Variants in TTC28 observed in about 807,000 individuals in gnomAD.
TTC28 encodes the protein tetratricopeptide repeat domain 28.
A neutral mutation model predicts 198.0 loss-of-function variants in TTC28; 61 were observed. That is an observed-to-expected ratio of 0.31 (90% CI 0.25 to 0.38). The LOEUF (loss-of-function observed/expected upper bound fraction) is 0.38, where lower values mean the gene tolerates loss of function less well. Ranked by LOEUF, TTC28 falls within the 10% of genes least tolerant of loss-of-function variation. The pLI is 1.00. For missense variants in TTC28, 2,678 were observed against 3,164.0 expected (o/e 0.85, Z 3.69); for synonymous variants, 1,171 against 1,297.8 (o/e 0.90, Z 2.10).
rs182682194 is a variant in TTC28, at chr22:28,638,586, A to G, written c.103-8756T>C. On this transcript the variant is annotated intron_variant, in intron 1 of 22. Transcript: ENST00000397906. ...TCTTAGTATGGATAAAGCTCCTACA[A>G]ATCAGTAATAAAATGCACAAACAAT... Among the ~76,000 whole-genome samples the G allele has an allele frequency of 7.2e-5, 11 of 152,294 alleles. No individual in the cohort carries two copies. In the East Asian group the frequency reaches 2.1e-3, roughly 29 times the overall value.
intron 12 of TTC28, among the ~76,000 whole-genome samples, chr22:28,044,999 T>C (rs1484914897): frequency 6.6e-6 from 1 of 152,208 alleles, no homozygotes; most frequent in Non-Finnish European, 1.5e-5. Flanking sequence ...GAATACACAA[T>C]GACTGTAATC....
intron 2 of TTC28, among the ~76,000 whole-genome samples, chr22:28,627,137 T>C (rs2051088688): frequency 6.6e-6 from 1 of 152,124 alleles, no homozygotes; most frequent in Non-Finnish European, 1.5e-5. Context: ...GGCAGATATA[T>C]ATGCAAAACC....
intron 2 of TTC28, among the ~76,000 whole-genome samples, chr22:28,374,595 C>T (rs2046382051): frequency 6.6e-6 from 1 of 152,164 alleles, no homozygotes; most frequent in Admixed American, 6.5e-5. Flanking sequence ...GAGTTCATTG[C>T]TTCTCTTCTC....
chr22:28,010,727 G>A (rs1307339507), intron 14 of TTC28, among the ~76,000 whole-genome samples: 4 of 152,114 alleles, frequency 2.6e-5, no homozygotes, highest in Admixed American at 1.3e-4. Context: ...AAAGCTCCTC[G>A]GGAACAGGCC....
intron 6 of TTC28, among the ~76,000 whole-genome samples, chr22:28,159,689 T>C (rs1305897351): frequency 6.6e-6 from 1 of 150,710 alleles, no homozygotes; most frequent in Non-Finnish European, 1.5e-5. Flanking sequence ...AGAGCTACCA[T>C]ATGATTCAGC....
chr22:28,355,233 C>A (rs537403777), intron 2 of TTC28, among the ~76,000 whole-genome samples: 13 of 152,126 alleles, frequency 8.5e-5, no homozygotes, highest in African/African-American at 3.1e-4. Flanking sequence ...TTTAAATGAA[C>A]ACTATGGAGG....
intron 5 of TTC28, among the ~76,000 whole-genome samples, chr22:28,259,624 G>A (rs1393185857): frequency 6.6e-6 from 1 of 151,892 alleles, no homozygotes; most frequent in Non-Finnish European, 1.5e-5. Context: ...AAAATGTGTT[G>A]CATGTTCAAT....
intron 2 of TTC28, among the ~76,000 whole-genome samples, chr22:28,489,314 A>AC (rs1491445324): frequency 4.9e-4 from 74 of 151,794 alleles, no homozygotes; most frequent in Non-Finnish European, 8.7e-4. Context: ...AAAAAAAAAA[A>AC]ACACACACAT....
intron 5 of TTC28, among the ~76,000 whole-genome samples, chr22:28,177,655 A>G (rs1031493561): frequency 1.3e-5 from 2 of 152,254 alleles, no homozygotes; most frequent in Non-Finnish European, 2.9e-5. Context: ...TATCCATACA[A>G]TGGAATATTA....
chr22:28,430,081 G>A lies in TTC28; in HGVS notation c.382-123438C>T, dbSNP rs1311405980. On this transcript the variant is annotated intron_variant, in intron 2 of 22. Coordinates refer to ENST00000397906, the MANE Select transcript of TTC28 (RefSeq NM_001145418.2). ...TTTTTAGTGAAGACTGCATTTAGCAGAAATTCAAACAGAAGCATGAATTAA... is the reference window on the plus strand; with the variant it reads ...TTTTTAGTGAAGACTGCATTTAGCAAAAATTCAAACAGAAGCATGAATTAA... Among the ~76,000 whole-genome samples, 8 of 118,044 alleles carry A rather than the reference G, an allele frequency of 6.8e-5. No homozygotes were observed. The East Asian group carries it at 1.8e-3, about 27-fold the overall frequency. The allele number at this position is 118,044 out of a possible 152,430, so 77.4% of individuals were successfully genotyped here. A position where few individuals can be genotyped will look rare whatever the true frequency, so the allele number is the denominator to read the frequency against.
intron 2 of TTC28, among the ~76,000 whole-genome samples, chr22:28,334,138 G>A (rs905527277): frequency 6.6e-6 from 1 of 151,882 alleles, no homozygotes; most frequent in African/African-American, 2.4e-5. Flanking sequence ...TGCTGAGAAT[G>A]ATGGTTTCCA....
chr22:28,142,332 AG>A (rs1943358051), intron 6 of TTC28, among the ~76,000 whole-genome samples: 1 of 152,178 alleles, frequency 6.6e-6, no homozygotes, highest in African/African-American at 2.4e-5. Context: ...TGTCTGTGGG[AG>A]GGGGAAGGGT....
chr22:28,042,154 T>C (rs1421146309), intron 12 of TTC28, among the ~76,000 whole-genome samples: 1 of 152,100 alleles, frequency 6.6e-6, no homozygotes, highest in East Asian at 1.9e-4. Flanking sequence ...AGTTCAACCA[T>C]TGTGGAAGAC....
chr22:28,384,475 C>A lies in TTC28; in HGVS notation c.382-77832G>T, dbSNP rs1049030060. 2.0e-5 allele frequency among the ~76,000 whole-genome samples: 3 copies of A among 152,322 alleles called. No homozygotes were observed. The South Asian group carries it at 6.2e-4, about 32-fold the overall frequency. ...ATCTTCCATACAGTATGTTTACCATCTCTTTGTCCCATACTAGAACATAAG... is the reference window on the plus strand; with the variant it reads ...ATCTTCCATACAGTATGTTTACCATATCTTTGTCCCATACTAGAACATAAG... On this transcript the variant is annotated intron_variant, in intron 2 of 22. Transcript: ENST00000397906.
intron 5 of TTC28, among the ~76,000 whole-genome samples, chr22:28,222,028 G>A (rs940578929): frequency 6.6e-6 from 1 of 152,152 alleles, no homozygotes; most frequent in South Asian, 2.1e-4. Context: ...TGCCTTAGGA[G>A]CCTAATTTAG....
chr22:28,410,014 T>A (rs1044341584), intron 2 of TTC28, among the ~76,000 whole-genome samples: 1 of 151,930 alleles, frequency 6.6e-6, no homozygotes, highest in Admixed American at 6.5e-5. Context: ...CTCCACCTCC[T>A]GGGTTCAAGC....
At chr22:28,145,769 C>T (rs1943454958) in intron 6 of TTC28, among the ~76,000 whole-genome samples, 1 of 152,194 alleles carries the variant, frequency 6.6e-6, no homozygotes, top group Admixed American at 6.5e-5. Flanking sequence ...ACAAATGATA[C>T]ACTCTTTCGA....
chr22:28,221,883 G>A (rs1927897906), intron 5 of TTC28, among the ~76,000 whole-genome samples: 3 of 152,166 alleles, frequency 2.0e-5, no homozygotes. Context: ...CTATGAATAT[G>A]AGAAGGAAAA....
At chr22:28,355,116 C>A (rs1161022269) in intron 2 of TTC28, among the ~76,000 whole-genome samples, 1 of 152,020 alleles carries the variant, frequency 6.6e-6, no homozygotes, top group Non-Finnish European at 1.5e-5. Flanking sequence ...CTGTGCTAGC[C>A]ATCATTCTCA....
Sources: allele counts gnomAD v4.1 joint callset (sites outside exome capture counted in the v4.1 genomes callset), GRCh38; gene constraint gnomAD v4.1.1; transcripts MANE v1.5; gene names NCBI Gene and HGNC (gene_info 2026-07-23, HGNC 2026-07-21).